Variants in ALDH1A2 observed in about 807,000 individuals in gnomAD.
ALDH1A2 encodes the protein aldehyde dehydrogenase 1 family member A2.
ALDH1A2 carries 27 observed loss-of-function variants against 60.3 expected under a neutral mutation model. That is an observed-to-expected ratio of 0.45 (90% CI 0.33 to 0.62). The LOEUF is 0.62. ALDH1A2 is among the 20% of genes least tolerant of loss of function. The probability of loss-of-function intolerance (pLI) is 0.02; values close to 1 mark genes in which losing one functional copy is unlikely to be tolerated. For missense variants in ALDH1A2, 581 were observed against 643.8 expected, an observed-to-expected ratio of 0.90 and a Z score of 1.06; for synonymous variants, 289 against 232.4, an observed-to-expected ratio of 1.24 and a Z score of -2.21.
At position 57,975,620 on chromosome 15, in the gene ALDH1A2, A is replaced by T. The variant is rs185727946; in HGVS notation, c.799-9793T>A. ...CAGATTTTTTGAATTCAGAATAGTT[A>T]AACTATATACCCATAAATGGACTAC... is the stretch of plus-strand genomic sequence containing the variant. On this transcript the variant is annotated intron_variant, in intron 7 of 12. Transcript: ENST00000249750. Among the ~76,000 whole-genome samples the T allele has an allele frequency of 3.2e-3, 484 of 152,358 alleles. 4 individuals are homozygous for T. The highest frequency in any genetic ancestry group is 0.011 in the African/African-American group (464 of 41,588).
chr15:58,053,116 A>C (rs1001986584), intron 1 of ALDH1A2, among the ~76,000 whole-genome samples: 5 of 152,176 alleles, frequency 3.3e-5, no homozygotes, highest in African/African-American at 1.2e-4. Flanking sequence ...CAAGAAAAAA[A>C]TGAGTCTACA....
At chr15:57,976,013 T>C (rs1162742002) in intron 7 of ALDH1A2, among the ~76,000 whole-genome samples, 4 of 152,188 alleles carry the variant, frequency 2.6e-5, no homozygotes, top group Non-Finnish European at 4.4e-5. Flanking sequence ...ATAAAGCTGT[T>C]AATAAAGGTA....
intron 7 of ALDH1A2, among the ~76,000 whole-genome samples, chr15:57,967,532 C>T (rs572235590): frequency 1.5e-4 from 23 of 152,100 alleles, no homozygotes; most frequent in Admixed American, 3.3e-4. Context: ...AGAAAAACAC[C>T]GGGGAAACTC....
At chr15:58,054,157 G>C (rs1896841327) in intron 1 of ALDH1A2, among the ~76,000 whole-genome samples, 1 of 152,084 alleles carries the variant, frequency 6.6e-6, no homozygotes, top group South Asian at 2.1e-4. Context: ...AGGTAAATGA[G>C]TCTAAACGAG....
chr15:58,017,526 G>A (rs1895819451), intron 1 of ALDH1A2, among the ~76,000 whole-genome samples: 1 of 152,124 alleles, frequency 6.6e-6, no homozygotes. Context: ...ATTACACTGT[G>A]ATAATAATGC....
chr15:58,039,371 A>G, intron 1 of ALDH1A2, among the ~76,000 whole-genome samples: 1 of 151,728 alleles, frequency 6.6e-6, no homozygotes, highest in East Asian at 1.9e-4. Flanking sequence ...CCTAAACACC[A>G]GATGAAAAAG....
In ALDH1A2 at chr15:58,002,503, G is replaced by A. The variant is rs765630993; in HGVS notation, c.494-7364C>T. Among the ~76,000 whole-genome samples, 16 of 151,948 alleles carry A rather than the reference G, an allele frequency of 1.1e-4. No individual in the cohort carries two copies. The East Asian group carries it at 2.5e-3, about 24-fold the overall frequency. On this transcript the variant is annotated intron_variant, in intron 4 of 12. Transcript: ENST00000249750. ...ATTTTTAGTCTCATAAAAATATCTC[G>A]CATTGGCACATCCTATATATTAATA...
chr15:58,020,223 A>G (rs1895889802), intron 1 of ALDH1A2, among the ~76,000 whole-genome samples: 1 of 152,080 alleles, frequency 6.6e-6, no homozygotes, highest in African/African-American at 2.4e-5. Context: ...TTATCCATTG[A>G]TGGGTATTTG....
chr15:57,961,940 T>A, intron 10 of ALDH1A2, 72 bp downstream of exon 10: 11 of 1,573,712 alleles, frequency 7.0e-6, no homozygotes, highest in Non-Finnish European at 9.6e-6. Context: ...AACTCTAATA[T>A]CATCCACTAG....
intron 1 of ALDH1A2, among the ~76,000 whole-genome samples, chr15:58,026,496 G>T (rs1472498251): frequency 6.6e-6 from 1 of 152,182 alleles, no homozygotes; most frequent in Non-Finnish European, 1.5e-5. Context: ...AAGGTACCCG[G>T]TTCATTTCAC....
At chr15:58,042,480 T>A (rs1176621013) in intron 1 of ALDH1A2, among the ~76,000 whole-genome samples, 1 of 151,936 alleles carries the variant, frequency 6.6e-6, no homozygotes, top group East Asian at 1.9e-4. Flanking sequence ...TGATATTACA[T>A]AAGAAGCAAG....
chr15:57,995,744 G>A (rs1391775875), intron 4 of ALDH1A2, among the ~76,000 whole-genome samples: 5 of 152,012 alleles, frequency 3.3e-5, no homozygotes, highest in African/African-American at 4.8e-5. Context: ...AATCCAAAGC[G>A]TCTGCCCCCA....
rs570783232 is a variant in ALDH1A2 at position 58,012,621 on chromosome 15, G to A, written c.363+1237C>T. Among the ~76,000 whole-genome samples, 31 of 152,158 alleles carry A rather than the reference G, an allele frequency of 2.0e-4. 1 individual carries two copies. Among genetic ancestry groups the A allele is most frequent in the Admixed American group, 1.5e-3 (23 of 15,274 alleles). Reference sequence around the variant, plus strand: ...AGTATGAATAAACACCTCATTGGAAGAGTATTCCCTAGAGTGCCAGATTAG... The same window carrying A: ...AGTATGAATAAACACCTCATTGGAAAAGTATTCCCTAGAGTGCCAGATTAG... On this transcript the variant is annotated intron_variant, in intron 3 of 12. Coordinates refer to ENST00000249750, the MANE Select transcript of ALDH1A2 (RefSeq NM_003888.4).
At chr15:58,032,049 T>C (rs1896254374) in intron 1 of ALDH1A2, among the ~76,000 whole-genome samples, 1 of 152,184 alleles carries the variant, frequency 6.6e-6, no homozygotes, top group African/African-American at 2.4e-5. Context: ...TAAAGACACA[T>C]GCACACGTAT....
chr15:58,002,197 C>T (rs1342224026), intron 4 of ALDH1A2, among the ~76,000 whole-genome samples: 2 of 151,780 alleles, frequency 1.3e-5, no homozygotes, highest in African/African-American at 4.8e-5. Flanking sequence ...ATGAATTTGG[C>T]TGAGCTGTGA....
intron 7 of ALDH1A2, among the ~76,000 whole-genome samples, chr15:57,967,170 AT>A (rs34306826): frequency 0.38 from 53,543 of 141,640 alleles, 10,191 homozygotes; most frequent in Non-Finnish European, 0.45. Context: ...GACTGCCTGG[AT>A]TTTTTTTTTT....
intron 7 of ALDH1A2, among the ~76,000 whole-genome samples, chr15:57,977,664 T>C (rs1031641588): frequency 6.6e-6 from 1 of 152,228 alleles, no homozygotes; most frequent in African/African-American, 2.4e-5. Context: ...TCCAGCTTTG[T>C]TCTTTTTGCT....
intron 7 of ALDH1A2, among the ~76,000 whole-genome samples, chr15:57,972,272 C>A (rs773794369): frequency 4.6e-5 from 7 of 152,196 alleles, no homozygotes; most frequent in Admixed American, 1.3e-4. Flanking sequence ...CTCCTCTTCT[C>A]CAGACCTTCT....
chr15:57,969,031 A>C (rs1185260741), intron 7 of ALDH1A2, among the ~76,000 whole-genome samples: 1 of 152,204 alleles, frequency 6.6e-6, no homozygotes, highest in Non-Finnish European at 1.5e-5. Flanking sequence ...GATGAATGAT[A>C]CCTTTCCCCT....
Sources: gnomAD v4.1 joint callset for allele counts (sites outside exome capture counted in the v4.1 genomes callset) on GRCh38, gnomAD v4.1.1 for gene constraint, MANE v1.5 for transcripts, NCBI Gene and HGNC (gene_info 2026-07-23, HGNC 2026-07-21) for gene names.